SLC3A2: variants seen among roughly 807,000 people sequenced by gnomAD.
The protein encoded by SLC3A2 is amino acid transporter heavy chain SLC3A2.
Under a neutral mutation model 48.5 loss-of-function variants are expected in SLC3A2, and 32 were observed. That is an observed-to-expected ratio of 0.66 (90% CI 0.50 to 0.89). The LOEUF (loss-of-function observed/expected upper bound fraction) is 0.89. Ranked by LOEUF, SLC3A2 falls within the 40% of genes least tolerant of loss-of-function variation. SLC3A2 has a pLI of 0.00. For missense variants in SLC3A2, 587 were observed against 680.7 expected (o/e 0.86, Z 1.53); for synonymous variants, 277 against 288.8 (o/e 0.96, Z 0.41).
intron 8 of SLC3A2, 45 bp downstream of exon 8, chr11:62,888,263 T>C (rs748587247): frequency 6.2e-7 from 1 of 1,610,664 alleles, no homozygotes; most frequent in African/African-American, 1.3e-5. Flanking sequence ...GAGGGTGGGC[T>C]GGGCTTGTAG....
At chr11:62,857,426 G>A (rs2085346477) in intron 1 of SLC3A2, among the ~76,000 whole-genome samples, 1 of 152,086 alleles carries the variant, frequency 6.6e-6, no homozygotes, top group African/African-American at 2.4e-5. Context: ...ACCCGGCCTG[G>A]CTCAGCATTT....
chr11:62,883,973 C>T (rs1304266144), intron 3 of SLC3A2: 1 of 456,514 alleles, frequency 2.2e-6, no homozygotes, highest in South Asian at 1.5e-5. Context: ...AGTTATTGTA[C>T]TCACACCTTC....
chr11:62,869,613 G>C lies in SLC3A2; in HGVS notation c.113-11406G>C, dbSNP rs1281689420. 2.7e-5 allele frequency among the ~76,000 whole-genome samples: 4 copies of C among 149,364 alleles called. No individual in the cohort carries two copies. The Admixed American group carries it at 2.7e-4, about 10-fold the overall frequency. On this transcript the variant is annotated intron_variant, in intron 1 of 9. Coordinates refer to the SLC3A2 transcript ENST00000377889. ...TTGGTTTTTTTCGTACTGGTTTTTA[G>C]TGATAATTTATATGTTTCATCTACT...
At chr11:62,887,938 A>G (rs1454767458) in intron 7 of SLC3A2, 197 bp from the exon 8 acceptor site, 1 of 526,578 alleles carries the variant, frequency 1.9e-6, no homozygotes, top group Non-Finnish European at 3.4e-6. Flanking sequence ...GACTATAGGG[A>G]TGTAACACTA....
chr11:62,887,246 G>T (rs2085726518), intron 7 of SLC3A2, among the ~76,000 whole-genome samples: 1 of 152,090 alleles, frequency 6.6e-6, no homozygotes, highest in Non-Finnish European at 1.5e-5. Context: ...GGATGATGGG[G>T]CTTGTTTTAT....
intron 7 of SLC3A2, 46 bp from the exon 8 acceptor site, chr11:62,888,089 G>T (rs1590639969): frequency 7.8e-6 from 12 of 1,547,112 alleles, no homozygotes; most frequent in Non-Finnish European, 1.1e-5. Context: ...GAGCCACCAT[G>T]CCTGACCCCA....
intron 1 of SLC3A2, among the ~76,000 whole-genome samples, chr11:62,861,246 G>A (rs1454478671): frequency 6.6e-6 from 1 of 151,118 alleles, no homozygotes; most frequent in African/African-American, 2.4e-5. Flanking sequence ...GAGGTGGGGA[G>A]GATTGCTTGA....
At chr11:62,862,040 C>T (rs1185189217) in intron 1 of SLC3A2, among the ~76,000 whole-genome samples, 4 of 151,802 alleles carry the variant, frequency 2.6e-5, no homozygotes, top group Admixed American at 2.6e-4. Context: ...GCTGCTAGGC[C>T]AGGCGCGGTG....
upstream of SLC3A2, among the ~76,000 whole-genome samples, chr11:62,877,387 T>C (rs540951538): frequency 1.4e-4 from 22 of 152,266 alleles, no homozygotes; most frequent in African/African-American, 3.8e-4. Flanking sequence ...AAGGGAGATA[T>C]TGGTTTTGAT....
intron 1 of SLC3A2, among the ~76,000 whole-genome samples, chr11:62,875,317 C>T (rs778639850): frequency 6.6e-6 from 1 of 152,010 alleles, no homozygotes; most frequent in Non-Finnish European, 1.5e-5. Context: ...GAGGCCGAGG[C>T]GAGTGGATCA....
chr11:62,885,668 C>T, intron 7 of SLC3A2, 60 bp downstream of exon 7: 1 of 1,578,570 alleles, frequency 6.3e-7, no homozygotes, highest in Non-Finnish European at 8.7e-7. Context: ...AATGATGATT[C>T]TGGGGATGGC....
At chr11:62,860,482 G>A (rs1428478166) in intron 1 of SLC3A2, among the ~76,000 whole-genome samples, 2 of 150,326 alleles carry the variant, frequency 1.3e-5, no homozygotes, top group South Asian at 2.1e-4. Flanking sequence ...CAGTATTGCC[G>A]CCAGCATGTC....
chr11:62,881,208 G>T lies in SLC3A2; in HGVS notation c.185G>T (p.Gly62Val). 1 of 1,589,918 alleles carries T rather than the reference G, an allele frequency of 6.3e-7. No individual in the cohort carries two copies. Among genetic ancestry groups the T allele is most frequent in the Non-Finnish European group, 8.5e-7 (1 of 1,169,988 alleles). The part of the protein sequence containing the change: ...AEAAAAAKFT[G>V]LSKEELLKVA... Reference sequence around the variant, plus strand: ...GCGGCAGCCGCGGCTAAGTTCACGGGCCTGTCCAAGGAGGAGCTGCTGAAG... The same window carrying T: ...GCGGCAGCCGCGGCTAAGTTCACGGTCCTGTCCAAGGAGGAGCTGCTGAAG... The change falls in exon 1 of 9, where the codon GGC (glycine) becomes GTC (valine). Residue 62 changes from glycine (G) to valine (V), a missense_variant. Physicochemically the swap from Gly to Val is moderately radical, Grantham distance 109 (BLOSUM62 -3). Transcript: ENST00000338663. The surrounding 1 kb of genome is among the most constrained non-coding windows in gnomAD (Gnocchi z 4.0).
At chr11:62,857,915 AGT>A in intron 1 of SLC3A2, among the ~76,000 whole-genome samples, 1 of 152,074 alleles carries the variant, frequency 6.6e-6, no homozygotes, top group Non-Finnish European at 1.5e-5. Context: ...AAAAGAAGGA[AGT>A]GTGTAGCTAC....
At chr11:62,874,261 G>T (rs867099273) in intron 1 of SLC3A2, among the ~76,000 whole-genome samples, 2 of 151,798 alleles carry the variant, frequency 1.3e-5, no homozygotes, top group Non-Finnish European at 2.9e-5. Context: ...TTTTTGATGA[G>T]ATTAAGTATT....
At chr11:62,874,468 G>A (rs1033880669) in intron 1 of SLC3A2, among the ~76,000 whole-genome samples, 1 of 152,072 alleles carries the variant, frequency 6.6e-6, no homozygotes, top group Non-Finnish European at 1.5e-5. Context: ...CTTTTCAGAT[G>A]GTGCATTTAT....
At chr11:62,869,695 G>C (rs2085491376) in intron 1 of SLC3A2, among the ~76,000 whole-genome samples, 1 of 151,044 alleles carries the variant, frequency 6.6e-6, no homozygotes, top group Non-Finnish European at 1.5e-5. Flanking sequence ...TGTCTTTTCA[G>C]TTTGTTATGG....
intron 1 of SLC3A2, among the ~76,000 whole-genome samples, chr11:62,863,600 A>G (rs1245557613): frequency 6.6e-6 from 1 of 152,214 alleles, no homozygotes; most frequent in Non-Finnish European, 1.5e-5. Context: ...TAACATGGGT[A>G]TCTGGGCTAC....
chr11:62,878,552 G>A (rs1296463549), upstream of SLC3A2, among the ~76,000 whole-genome samples: 5 of 150,474 alleles, frequency 3.3e-5, no homozygotes, highest in South Asian at 2.1e-4. Context: ...TGCAAGCTCC[G>A]CCTCCCAGGT....
Sources: allele counts gnomAD v4.1 joint callset (sites outside exome capture counted in the v4.1 genomes callset), GRCh38; gene constraint gnomAD v4.1.1; non-coding constraint Gnocchi (gnomAD v3.1); transcripts MANE v1.5; gene names NCBI Gene and HGNC (gene_info 2026-07-23, HGNC 2026-07-21).